Variants in DTHD1 observed in about 807,000 individuals in gnomAD.
DTHD1 encodes death domain-containing protein 1.
Under a neutral mutation model 74.8 loss-of-function variants are expected in DTHD1, and 59 were observed. The observed-to-expected ratio is 0.79, with a 90% CI of 0.64 to 0.98. The LOEUF (loss-of-function observed/expected upper bound fraction) is 0.98, where lower values mean the gene tolerates loss of function less well. Ranked by LOEUF, DTHD1 falls within the 50% of genes least tolerant of loss-of-function variation. DTHD1 has a pLI of 0.00. For missense variants in DTHD1, 1,051 were observed against 1,065.4 expected (o/e 0.99, Z 0.19); for synonymous variants, 365 against 371.1 (o/e 0.98, Z 0.19).
chr4:36,342,114 G>A (rs951220364), intron 9 of DTHD1, among the ~76,000 whole-genome samples: 1 of 152,324 alleles, frequency 6.6e-6, no homozygotes, highest in Middle Eastern at 3.4e-3. Context: ...ATGATCCGCA[G>A]GGCTGCTGAT....
chr4:36,328,609 G>A (rs1446905671), intron 8 of DTHD1, among the ~76,000 whole-genome samples: 1 of 152,104 alleles, frequency 6.6e-6, no homozygotes, highest in Non-Finnish European at 1.5e-5. Context: ...TACTTATTTT[G>A]TCTAGTACCC....
At chr4:36,313,917 G>A (rs1757542559) in intron 7 of DTHD1, among the ~76,000 whole-genome samples, 1 of 151,930 alleles carries the variant, frequency 6.6e-6, no homozygotes, top group Non-Finnish European at 1.5e-5. Flanking sequence ...TTAGCCAGAT[G>A]TTACTCCAGT....
rs1282081650 is a variant in DTHD1, at chr4:36,344,070, C to T, written c.*246C>T. ...ACCATGACTGTCTTGAGTTTGGCCT[C>T]ACTTAATAGCATTTGCAATTGAGTT... On this transcript the variant is annotated 3_prime_UTR_variant, in exon 10 of 10. Transcript: ENST00000639862. 2.3e-6 allele frequency: 1 copy of T among 443,854 alleles called. No individual in the cohort carries two copies. The highest frequency in any genetic ancestry group is 4.0e-6 in the Non-Finnish European group (1 of 248,458). 27.5% of individuals were successfully genotyped at this position (443,854 alleles called of 1,614,324 possible).
At chr4:36,307,792 TAG>T (rs1158970760) in intron 6 of DTHD1, among the ~76,000 whole-genome samples, 2 of 152,258 alleles carry the variant, frequency 1.3e-5, no homozygotes, top group Admixed American at 1.3e-4. Context: ...CTGCCATGTT[TAG>T]AGCTGAGCTG....
At position 36,288,337 on chromosome 4, in the gene DTHD1, A is replaced by G. The variant is rs374042082; in HGVS notation, c.888-2036A>G. On this transcript the variant is annotated intron_variant, in intron 2 of 9. Transcript: ENST00000639862. The stretch of plus-strand genomic sequence containing the variant: ...GGTCTTGAATTCTTGACCTCAGGTG[A>G]TCCTTCCGCTTCGGTCTCCCAAAGT... 2.7e-4 allele frequency among the ~76,000 whole-genome samples: 41 copies of G among 152,280 alleles called. 1 individual carries two copies. The East Asian group carries it at 4.2e-3, about 16-fold the overall frequency.
intron 2 of DTHD1, among the ~76,000 whole-genome samples, chr4:36,290,040 A>G (rs1755966125): frequency 6.6e-6 from 1 of 152,212 alleles, no homozygotes; most frequent in Admixed American, 6.5e-5. Context: ...TTGTGGAATA[A>G]TCAATTGCTT....
At chr4:36,307,494 C>T (rs926957753) in intron 6 of DTHD1, among the ~76,000 whole-genome samples, 13 of 152,172 alleles carry the variant, frequency 8.5e-5, no homozygotes, top group African/African-American at 2.9e-4. Flanking sequence ...CTGATTACTT[C>T]TGTAAAGTCC....
At chr4:36,331,158 A>G (rs181969842) in intron 8 of DTHD1, among the ~76,000 whole-genome samples, 15 of 152,252 alleles carry the variant, frequency 9.9e-5, no homozygotes, top group Admixed American at 3.9e-4. Flanking sequence ...ACACACAGGT[A>G]AAAGTGATAA....
chr4:36,340,500 G>A (rs947247311), intron 9 of DTHD1, among the ~76,000 whole-genome samples: 1 of 152,180 alleles, frequency 6.6e-6, no homozygotes, highest in Admixed American at 6.5e-5. Context: ...AATAGGCTTT[G>A]AAAAATGTGA....
At chr4:36,341,676 G>A (rs1759320307) in intron 9 of DTHD1, among the ~76,000 whole-genome samples, 1 of 152,144 alleles carries the variant, frequency 6.6e-6, no homozygotes, top group African/African-American at 2.4e-5. Flanking sequence ...GTAACTGAAT[G>A]CAATCTGAAT....
chr4:36,294,771 A>C, intron 4 of DTHD1, 24 bp from the exon 5 acceptor site: 1 of 1,493,492 alleles, frequency 6.7e-7, no homozygotes, highest in Non-Finnish European at 8.9e-7. Flanking sequence ...TTAAAACATA[A>C]GAAAAAATAT....
intron 3 of DTHD1, among the ~76,000 whole-genome samples, chr4:36,292,928 C>A (rs1756170298): frequency 6.6e-6 from 1 of 152,166 alleles, no homozygotes; most frequent in African/African-American, 2.4e-5. Flanking sequence ...TGTATATATG[C>A]ATTACAAATT....
chr4:36,312,468 A>G (rs763536738), intron 7 of DTHD1, among the ~76,000 whole-genome samples: 5 of 152,130 alleles, frequency 3.3e-5, no homozygotes, highest in Admixed American at 6.6e-5. Flanking sequence ...GCATAGCTTA[A>G]TTTGGGCTGA....
At chr4:36,286,885 C>T (rs1269949005) in intron 2 of DTHD1, among the ~76,000 whole-genome samples, 1 of 152,110 alleles carries the variant, frequency 6.6e-6, no homozygotes, top group Non-Finnish European at 1.5e-5. Context: ...TTTAAGACCA[C>T]CATTATATGT....
At position 36,281,991 on chromosome 4, in the gene DTHD1, T is replaced by A; in HGVS notation, c.233T>A (p.Val78Glu). 6.6e-7 allele frequency: 1 copy of A among 1,518,698 alleles called. No homozygotes were observed. The highest frequency in any genetic ancestry group is 8.9e-7 in the Non-Finnish European group (1 of 1,129,862). The allele number at this position is 1,518,698 out of a possible 1,614,324, so 94.1% of individuals were successfully genotyped here. Residue 78 changes from valine (V) to glutamate (E), a missense_variant, in exon 1 of 10, where the codon GTG (valine) becomes GAG (glutamate). Transcript: ENST00000639862. Reference protein sequence around the residue: ...TLRSTCQQLHVLLDKENQCVS... With the variant: ...TLRSTCQQLHELLDKENQCVS... Reference sequence around the variant, plus strand: ...CGTTCCACCTGCCAGCAGCTGCATGTGCTGCTTGACAAAGAGAATCAATGT... The same window carrying A: ...CGTTCCACCTGCCAGCAGCTGCATGAGCTGCTTGACAAAGAGAATCAATGT...
intron 5 of DTHD1, among the ~76,000 whole-genome samples, chr4:36,299,550 T>C (rs1756637716): frequency 6.6e-6 from 1 of 152,242 alleles, no homozygotes; most frequent in African/African-American, 2.4e-5. Context: ...AATAAGTGGA[T>C]GTATGCCTTT....
Position 36,295,047 on chromosome 4 carries a change from A to T in DTHD1, c.1643+8A>T, listed in dbSNP as rs1486512419. ...ACCTTCGTATTTCAACCGGTGAGTA[A>T]GTTTCTAATATTGTAAACTGGCTTA... On this transcript the variant is annotated splice_region_variant and intron_variant, in intron 5 of 9. Coordinates refer to ENST00000639862, the MANE Select transcript of DTHD1 (RefSeq NM_001170700.3). The T allele has an allele frequency of 6.6e-7, 1 of 1,523,118 alleles. No individual in the cohort carries two copies. The highest frequency in any genetic ancestry group is 8.9e-7 in the Non-Finnish European group (1 of 1,128,612). The allele number at this position is 1,523,118 out of a possible 1,614,324, so 94.4% of individuals were successfully genotyped here.
chr4:36,327,817 A>G (rs912432207), intron 8 of DTHD1, among the ~76,000 whole-genome samples: 32 of 152,110 alleles, frequency 2.1e-4, no homozygotes, highest in Admixed American at 2.0e-4. Flanking sequence ...ATCTTTGCCC[A>G]CTTTATATCT....
At chr4:36,306,390 T>C (rs1423186078) in intron 6 of DTHD1, 38 bp downstream of exon 6, 1 of 1,500,212 alleles carries the variant, frequency 6.7e-7, no homozygotes, top group Admixed American at 2.2e-5. Context: ...GATGATACTC[T>C]TTCTGATGGT....
Sources: allele counts gnomAD v4.1 joint callset (sites outside exome capture counted in the v4.1 genomes callset), GRCh38; gene constraint gnomAD v4.1.1; transcripts MANE v1.5; gene names NCBI Gene and HGNC (gene_info 2026-07-23, HGNC 2026-07-21).